Variants in TNRC6C observed in about 807,000 individuals in gnomAD.
TNRC6C encodes the protein trinucleotide repeat containing adaptor 6C.
Under a neutral mutation model 153.7 loss-of-function variants are expected in TNRC6C, and 20 were observed. The ratio of observed to expected loss-of-function variants is 0.13; its 90% CI spans 0.09 to 0.19. The LOEUF (loss-of-function observed/expected upper bound fraction) is 0.19, where lower values mean the gene tolerates loss of function less well. Ranked by LOEUF, TNRC6C falls within the 10% of genes least tolerant of loss-of-function variation. The pLI is 1.00. For missense variants in TNRC6C, 1,987 were observed against 2,172.0 expected (o/e 0.91, Z 1.69); for synonymous variants, 811 against 841.4 (o/e 0.96, Z 0.63).
intron 7 of TNRC6C, among the ~76,000 whole-genome samples, 199 bp from the exon 10 acceptor site, chr17:78,074,937 C>T (rs1324552503): frequency 1.3e-5 from 2 of 152,232 alleles, no homozygotes; most frequent in Non-Finnish European, 2.9e-5. Context: ...GGCCAACCCC[C>T]ATCCCCTTGC....
At chr17:78,008,986 G>A (rs2071572622) in intron 1 of TNRC6C, 1 of 152,136 alleles carries the variant, frequency 6.6e-6, no homozygotes, top group African/African-American at 2.4e-5. Flanking sequence ...AAACCTCTGT[G>A]GGAGCCTATT....
chr17:78,060,821 G>A (rs2072753697), intron 3 of TNRC6C, among the ~76,000 whole-genome samples: 1 of 152,188 alleles, frequency 6.6e-6, no homozygotes, highest in Non-Finnish European at 1.5e-5. Flanking sequence ...TGTGGAACAA[G>A]CTATAATTAA....
intron 1 of TNRC6C, among the ~76,000 whole-genome samples, chr17:78,030,880 C>G (rs1406189714): frequency 2.0e-5 from 3 of 152,094 alleles, no homozygotes; most frequent in Non-Finnish European, 4.4e-5. Context: ...GAGCGGATCA[C>G]TTGAGGTCAG....
intron 7 of TNRC6C, among the ~76,000 whole-genome samples, chr17:78,074,024 C>G (rs548617093): frequency 3.9e-5 from 6 of 152,276 alleles, no homozygotes; most frequent in African/African-American, 1.4e-4. Context: ...ATCATTGATT[C>G]ATGATCATTG....
At chr17:78,051,268 A>G in exon 3 of TNRC6C, 3 of 1,553,972 alleles carry the variant, frequency 1.9e-6, no homozygotes, top group Non-Finnish European at 2.6e-6. Flanking sequence ...GGACCCAAGC[A>G]ACTATAACAA....
intron 15 of TNRC6C, chr17:78,093,387 T>C: frequency 1.5e-6 from 1 of 670,812 alleles, no homozygotes; most frequent in Non-Finnish European, 2.5e-6. Flanking sequence ...CACTATCCGG[T>C]AAAACTATTC....
chr17:78,036,714 A>T (rs561601711), intron 2 of TNRC6C, among the ~76,000 whole-genome samples: 2 of 152,244 alleles, frequency 1.3e-5, no homozygotes, highest in Admixed American at 1.3e-4. Context: ...ACCTGAGGTC[A>T]GGAGTTTAAG....
chr17:78,078,422 C>T (rs952005745), intron 9 of TNRC6C, among the ~76,000 whole-genome samples: 21 of 152,300 alleles, frequency 1.4e-4, no homozygotes, highest in African/African-American at 4.8e-4. Context: ...AAATTAACTA[C>T]CTGAATTTGT....
At chr17:77,967,289 G>A (rs1161088492) in intron 1 of TNRC6C, among the ~76,000 whole-genome samples, 1 of 151,974 alleles carries the variant, frequency 6.6e-6, no homozygotes, top group African/African-American at 2.4e-5. Flanking sequence ...TTACTTATTA[G>A]CAGGGATAAT....
intron 2 of TNRC6C, among the ~76,000 whole-genome samples, chr17:78,044,832 A>T (rs1270755013): frequency 6.6e-6 from 1 of 152,238 alleles, no homozygotes; most frequent in Non-Finnish European, 1.5e-5. Flanking sequence ...GGTTGGTCTA[A>T]GTGACTTGAA....
chr17:78,086,793 T>C (rs1468322649), intron 12 of TNRC6C, 60 bp from the exon 15 acceptor site: 2 of 1,592,378 alleles, frequency 1.3e-6, no homozygotes, highest in African/African-American at 2.7e-5. Context: ...ATTTGGTCCC[T>C]AGACAAGCCA....
intron 9 of TNRC6C, among the ~76,000 whole-genome samples, chr17:78,078,374 A>G (rs2073120600): frequency 6.6e-6 from 1 of 152,338 alleles, no homozygotes; most frequent in Non-Finnish European, 1.5e-5. Context: ...ACACAGAGTG[A>G]AAACTACAGC....
At chr17:77,986,635 TAATG>T (rs2071173740) in intron 1 of TNRC6C, among the ~76,000 whole-genome samples, 2 of 152,118 alleles carry the variant, frequency 1.3e-5, no homozygotes, top group African/African-American at 2.4e-5. Flanking sequence ...TTTAAAAAAA[TAATG>T]AAAGGAACCT....
At chr17:78,085,016 A>G (rs926622486) in intron 11 of TNRC6C, among the ~76,000 whole-genome samples, 1 of 152,154 alleles carries the variant, frequency 6.6e-6, no homozygotes, top group South Asian at 2.1e-4. Context: ...GTGCAGTCCT[A>G]TTGCTTTCAG....
chr17:77,996,567 C>T (rs1444239286), intron 1 of TNRC6C, among the ~76,000 whole-genome samples: 2 of 152,148 alleles, frequency 1.3e-5, no homozygotes, highest in Admixed American at 6.5e-5. Flanking sequence ...GGTCAGGGGA[C>T]GGCAAAGCAC....
chr17:78,016,084 G>C (rs1006269613), intron 1 of TNRC6C, among the ~76,000 whole-genome samples: 17 of 152,182 alleles, frequency 1.1e-4, no homozygotes, highest in African/African-American at 4.1e-4. Flanking sequence ...ACTCTAGGCT[G>C]GGCCTTCAGA....
At chr17:78,085,750 TGA>T (rs1210560892) in intron 11 of TNRC6C, among the ~76,000 whole-genome samples, 1 of 152,128 alleles carries the variant, frequency 6.6e-6, no homozygotes, top group Admixed American at 6.5e-5. Flanking sequence ...ACATTATTAT[TGA>T]ATGATTTGGG....
intron 1 of TNRC6C, among the ~76,000 whole-genome samples, chr17:78,006,533 T>TC (rs1446334310): frequency 7.0e-6 from 1 of 141,928 alleles, no homozygotes; most frequent in African/African-American, 2.8e-5. Flanking sequence ...TTCTTCTTCT[T>TC]CTTCTTCTTC....
rs569362827 is a variant in TNRC6C at position 78,010,355 on chromosome 17, T to G, written c.-546+5276T>G. On this transcript the variant is annotated intron_variant, in intron 1 of 19. Coordinates refer to ENST00000301624, the Ensembl canonical transcript of TNRC6C. Reference sequence around the variant, plus strand: ...AGTCTTCCAGTAGTCTTCAGTTGAGTGATGGAGGTTTTAGAGTCACAAAGT... The same window carrying G: ...AGTCTTCCAGTAGTCTTCAGTTGAGGGATGGAGGTTTTAGAGTCACAAAGT... 7.2e-5 allele frequency among the ~76,000 whole-genome samples: 11 copies of G among 152,324 alleles called. No homozygotes were observed. The South Asian group carries it at 2.3e-3, about 32-fold the overall frequency.
Sources: gnomAD v4.1 joint callset for allele counts (sites outside exome capture counted in the v4.1 genomes callset) on GRCh38, gnomAD v4.1.1 for gene constraint, MANE v1.5 for transcripts, NCBI Gene and HGNC (gene_info 2026-07-23, HGNC 2026-07-21) for gene names.